Variants in HOMER1 observed in about 807,000 individuals in gnomAD.
HOMER1 encodes the protein homer scaffold protein 1, also known as homer protein homolog 1.
HOMER1 carries 3 observed loss-of-function variants against 48.9 expected under a neutral mutation model. The observed-to-expected ratio is 0.06, with a 90% CI of 0.03 to 0.16. The LOEUF (loss-of-function observed/expected upper bound fraction) is 0.16. Ranked by LOEUF, HOMER1 falls within the 10% of genes least tolerant of loss-of-function variation. The pLI, the probability that HOMER1 is intolerant of heterozygous loss-of-function variation, is 1.00. For synonymous variants in HOMER1, 134 were observed against 146.4 expected (o/e 0.92, Z 0.61); for missense variants, 247 against 411.4 (o/e 0.60, Z 3.46).
intron 8 of HOMER1, among the ~76,000 whole-genome samples, chr5:79,386,049 T>C (rs768543980): frequency 6.6e-6 from 1 of 151,596 alleles, no homozygotes; most frequent in Non-Finnish European, 1.5e-5. Context: ...TAAAAACTAT[T>C]TGAGATTTTT....
intron 5 of HOMER1, among the ~76,000 whole-genome samples, chr5:79,419,743 A>T (rs13357983): frequency 0.19 from 28,171 of 152,068 alleles, 2,923 homozygotes; most frequent in South Asian, 0.32. Flanking sequence ...GCATTTTTGT[A>T]AAAGTGAATA....
chr5:79,481,197 G>A (rs780597983), intron 1 of HOMER1, among the ~76,000 whole-genome samples: 2 of 152,084 alleles, frequency 1.3e-5, no homozygotes, highest in Non-Finnish European at 1.5e-5. Flanking sequence ...CTCTCCTCAC[G>A]ACACGTGTCA....
intron 1 of HOMER1, among the ~76,000 whole-genome samples, chr5:79,485,535 CATG>C (rs1752074204): frequency 1.3e-5 from 2 of 152,190 alleles, no homozygotes; most frequent in African/African-American, 4.8e-5. Flanking sequence ...GAATGTAATA[CATG>C]ATATTTAGAT....
At chr5:79,442,984 T>A (rs1750775952) in intron 4 of HOMER1, among the ~76,000 whole-genome samples, 2 of 152,230 alleles carry the variant, frequency 1.3e-5, no homozygotes. Context: ...GATTAATTTA[T>A]GCTCTTCCTT....
chr5:79,398,921 T>C (rs1441120665), intron 6 of HOMER1, among the ~76,000 whole-genome samples: 7 of 152,240 alleles, frequency 4.6e-5, no homozygotes, highest in Non-Finnish European at 8.8e-5. Flanking sequence ...TAGCTCAGCA[T>C]GTGCTTTCTC....
At position 79,376,021 on chromosome 5, in the gene HOMER1, T is replaced by G. The variant is rs1310116839; in HGVS notation, c.1053A>C (p.Leu351=). ...TELRDNLAKL[L]ECS ...AATTTCACTTTCCTTAGCTGCATTC[T>G]AGTAGCTTGGCCAAGTTATCTCGTA... Residue 351 remains leucine (L), a synonymous_variant, in exon 9 of 9, where the codon CTA becomes CTC. Transcript: ENST00000334082. 1 of 1,610,418 alleles carries G rather than the reference T, an allele frequency of 6.2e-7. No homozygotes were observed. Among genetic ancestry groups the G allele is most frequent in the Middle Eastern group, 1.7e-4 (1 of 6,052 alleles).
chr5:79,486,260 T>C (rs1010910481), intron 1 of HOMER1, among the ~76,000 whole-genome samples: 3 of 152,192 alleles, frequency 2.0e-5, no homozygotes, highest in Non-Finnish European at 2.9e-5. Flanking sequence ...TCTGCCAAAA[T>C]TGCACATTTG....
At chr5:79,448,498 A>G (rs1313800306) in intron 3 of HOMER1, among the ~76,000 whole-genome samples, 1 of 152,156 alleles carries the variant, frequency 6.6e-6, no homozygotes, top group Non-Finnish European at 1.5e-5. Context: ...TAACAATCCA[A>G]GCATAGCTGG....
At chr5:79,379,139 A>G (rs1748871881) in intron 8 of HOMER1, among the ~76,000 whole-genome samples, 1 of 112,654 alleles carries the variant, frequency 8.9e-6, no homozygotes, top group Admixed American at 1.1e-4. Flanking sequence ...TTATTTATAT[A>G]TAAAAATTAT....
chr5:79,429,870 A>C (rs1750371566), intron 5 of HOMER1, among the ~76,000 whole-genome samples: 1 of 152,154 alleles, frequency 6.6e-6, no homozygotes, highest in Admixed American at 6.5e-5. Flanking sequence ...AAAAATTTAA[A>C]AAATTAGCTA....
In HOMER1 at chr5:79,513,843, G is replaced by T. The variant is rs1268362239; in HGVS notation, c.-1069C>A. 1.3e-5 allele frequency: 2 copies of T among 153,414 alleles called. No individual in the cohort carries two copies. Among genetic ancestry groups the T allele is most frequent in the African/African-American group, 4.8e-5 (2 of 41,448 alleles). The allele number at this position is 153,414 out of a possible 1,614,324, so 9.5% of individuals were successfully genotyped here. ...CTAAGCCCGCGTTGGGGCCAGGAGA[G>T]CTGGGCTCGAAGCCGAAGCGCAGCC... On this transcript the variant is annotated 5_prime_UTR_variant, in exon 1 of 9. Coordinates refer to ENST00000334082, the MANE Select transcript of HOMER1 (RefSeq NM_004272.5).
intron 1 of HOMER1, among the ~76,000 whole-genome samples, chr5:79,468,979 C>T (rs1292708184): frequency 6.6e-6 from 1 of 152,176 alleles, no homozygotes; most frequent in Non-Finnish European, 1.5e-5. Flanking sequence ...CATTTCTGAG[C>T]TTGTTTAAAA....
intron 5 of HOMER1, among the ~76,000 whole-genome samples, chr5:79,419,029 A>G (rs1015604855): frequency 3.9e-5 from 6 of 152,238 alleles, no homozygotes; most frequent in African/African-American, 7.2e-5. Flanking sequence ...AGGGCCTTAA[A>G]TATCATTGCA....
chr5:79,494,156 T>C (rs1752359910), intron 1 of HOMER1, among the ~76,000 whole-genome samples: 1 of 152,210 alleles, frequency 6.6e-6, no homozygotes, highest in Non-Finnish European at 1.5e-5. Flanking sequence ...CAGAGATGCC[T>C]GATCTGCTCT....
At chr5:79,419,619 C>A (rs897106797) in intron 5 of HOMER1, among the ~76,000 whole-genome samples, 2 of 151,618 alleles carry the variant, frequency 1.3e-5, no homozygotes, top group African/African-American at 4.9e-5. Flanking sequence ...GATCTGGAAG[C>A]GTATCTGCCA....
chr5:79,471,029 A>C (rs1305577515), intron 1 of HOMER1, among the ~76,000 whole-genome samples: 1 of 152,226 alleles, frequency 6.6e-6, no homozygotes, highest in Non-Finnish European at 1.5e-5. Context: ...CTAGCATTGA[A>C]ATACTCTAGG....
intron 5 of HOMER1, among the ~76,000 whole-genome samples, chr5:79,434,451 C>T (rs1276607810): frequency 2.0e-5 from 3 of 152,016 alleles, no homozygotes; most frequent in African/African-American, 7.2e-5. Flanking sequence ...ATATGCCAGC[C>T]TATTAGTATA....
intron 1 of HOMER1, among the ~76,000 whole-genome samples, chr5:79,511,592 C>G (rs923420690): frequency 1.3e-5 from 2 of 152,150 alleles, no homozygotes; most frequent in East Asian, 1.9e-4. Context: ...TTAGCGGTAC[C>G]CCCAAATCAT....
intron 6 of HOMER1, 63 bp downstream of exon 6, chr5:79,401,836 A>G: frequency 1.3e-6 from 2 of 1,519,056 alleles, no homozygotes; most frequent in Non-Finnish European, 1.8e-6. Context: ...CTACATGCAA[A>G]TTTCTTCTGA....
Sources: allele counts gnomAD v4.1 joint callset (sites outside exome capture counted in the v4.1 genomes callset), GRCh38; gene constraint gnomAD v4.1.1; transcripts MANE v1.5; gene names NCBI Gene and HGNC (gene_info 2026-07-23, HGNC 2026-07-21).